PTPRN2: variants seen among roughly 807,000 people sequenced by gnomAD.
The protein encoded by PTPRN2 is receptor-type tyrosine-protein phosphatase N2.
A neutral mutation model predicts 118.8 loss-of-function variants in PTPRN2; 74 were observed. The observed-to-expected ratio is 0.62, with a 90% CI of 0.52 to 0.76. PTPRN2 has a LOEUF of 0.76. Ranked by LOEUF, PTPRN2 falls within the 30% of genes least tolerant of loss-of-function variation. PTPRN2 has a pLI of 0.00. For synonymous variants in PTPRN2, 641 were observed against 608.0 expected (o/e 1.05, Z -0.80); for missense variants, 1,481 against 1,394.4 (o/e 1.06, Z -0.99).
At chr7:157,697,513 C>T (rs1797852141) in intron 12 of PTPRN2, among the ~76,000 whole-genome samples, 1 of 132,936 alleles carries the variant, frequency 7.5e-6, no homozygotes, top group Non-Finnish European at 1.6e-5. Context: ...AGAGCCCTCA[C>T]CATCTACCCA....
intron 3 of PTPRN2, among the ~76,000 whole-genome samples, chr7:158,276,094 G>C (rs980867157): frequency 1.3e-5 from 2 of 152,104 alleles, no homozygotes; most frequent in African/African-American, 4.8e-5. Flanking sequence ...GCCTCCAGGG[G>C]TGCGTCTCCT....
chr7:158,463,590 G>A (rs117040928), intron 2 of PTPRN2, among the ~76,000 whole-genome samples: 1,888 of 151,092 alleles, frequency 0.012, 27 homozygotes, highest in South Asian at 0.051. Flanking sequence ...CAATATCACC[G>A]TCACCATCAT....
chr7:157,826,029 T>C (rs1320958377), intron 12 of PTPRN2, among the ~76,000 whole-genome samples: 1 of 152,094 alleles, frequency 6.6e-6, no homozygotes, highest in Non-Finnish European at 1.5e-5. Flanking sequence ...GGTCAGGCAA[T>C]CCCCTCTGCT....
intron 12 of PTPRN2, among the ~76,000 whole-genome samples, chr7:157,728,528 A>C (rs551524503): frequency 2.6e-5 from 4 of 152,114 alleles, no homozygotes; most frequent in African/African-American, 9.7e-5. Flanking sequence ...GGATAACTCA[A>C]ATTGGATTTT....
chr7:157,621,446 C>T lies in PTPRN2; in HGVS notation c.2260G>A (p.Ala754Thr), dbSNP rs201138259. ...GAGCTGTTGGGCTCCGCCTGGTAGG[C>T]GCACAGCGCTTCCCACTCCTTCTCC... ...RLEKEWEALC[A>T]YQAEPNSSFV... Residue 754 changes from alanine to threonine, a missense_variant, in exon 15 of 23, where the codon GCC becomes ACC. Physicochemically the swap from Ala to Thr is moderately conservative, Grantham distance 58. This residue lies in a region of PTPRN2 where 362 missense variants were observed against 384.1 expected (regional missense o/e 0.94). Transcript: ENST00000389418. The T allele has an allele frequency of 9.1e-5, 147 of 1,613,896 alleles. No homozygotes were observed. The highest frequency in any genetic ancestry group is 1.1e-4 in the African/African-American group (8 of 74,948).
chr7:157,829,267 G>A (rs1807390594), intron 12 of PTPRN2, among the ~76,000 whole-genome samples: 1 of 152,240 alleles, frequency 6.6e-6, no homozygotes, highest in South Asian at 2.1e-4. Context: ...CCGTCTTGCT[G>A]CGAGTGTTGG....
intron 4 of PTPRN2, among the ~76,000 whole-genome samples, chr7:158,193,673 T>G (rs1825961843): frequency 6.6e-6 from 1 of 152,070 alleles, no homozygotes; most frequent in Non-Finnish European, 1.5e-5. Context: ...TGGCCCTCCC[T>G]GCCCAGCTCA....
chr7:157,658,391 C>A (rs977892440), intron 13 of PTPRN2, among the ~76,000 whole-genome samples: 1 of 152,222 alleles, frequency 6.6e-6, no homozygotes, highest in Non-Finnish European at 1.5e-5. Context: ...GCTGAGTAGA[C>A]ACCAAAGCAG....
chr7:158,461,363 G>T (rs1381621713), intron 2 of PTPRN2, among the ~76,000 whole-genome samples: 4 of 152,084 alleles, frequency 2.6e-5, no homozygotes, highest in African/African-American at 9.7e-5. Context: ...GGGCGTGGTG[G>T]CAGGCGCCTG....
At chr7:158,337,090 C>A (rs1295548962) in intron 2 of PTPRN2, among the ~76,000 whole-genome samples, 1 of 151,574 alleles carries the variant, frequency 6.6e-6, no homozygotes, top group South Asian at 2.1e-4. Flanking sequence ...ACGTCACTCA[C>A]ACCCACACTC....
intron 1 of PTPRN2, among the ~76,000 whole-genome samples, chr7:158,569,873 G>A (rs1386366184): frequency 2.0e-5 from 3 of 150,708 alleles, no homozygotes; most frequent in Non-Finnish European, 4.4e-5. Context: ...GGAACGCGGG[G>A]CGCGAGGCCG....
At chr7:158,192,645 G>C (rs772267287) in intron 4 of PTPRN2, 150 bp from the exon 5 acceptor site, 25 of 892,614 alleles carry the variant, frequency 2.8e-5, no homozygotes, top group Non-Finnish European at 3.9e-5. Context: ...CCATGGGTTT[G>C]AACTTCTCCC....
At chr7:158,203,877 T>C (rs1354945555) in intron 4 of PTPRN2, among the ~76,000 whole-genome samples, 1 of 152,246 alleles carries the variant, frequency 6.6e-6, no homozygotes, top group Admixed American at 6.5e-5. Context: ...GCACATTCTC[T>C]TTGATAAAGG....
chr7:157,884,739 T>C (rs748434333), intron 12 of PTPRN2, among the ~76,000 whole-genome samples: 27 of 152,314 alleles, frequency 1.8e-4, no homozygotes, highest in Non-Finnish European at 3.2e-4. Context: ...TGAGACTCAT[T>C]GACTGTCACG....
Position 157,953,640 on chromosome 7 carries a change from A to C in PTPRN2, c.1724-54903T>G, listed in dbSNP as rs148928885. Among the ~76,000 whole-genome samples the C allele has an allele frequency of 2.6e-5, 4 of 152,080 alleles. No individual in the cohort carries two copies. The East Asian group carries it at 7.7e-4, about 29-fold the overall frequency. ...TGCTTGGACACTCTCTGGACAGGAG[A>C]CACCTCACCCCTCACAGACATCTCA... On this transcript the variant is annotated intron_variant, in intron 11 of 22. Coordinates refer to ENST00000389418, the MANE Select transcript of PTPRN2 (RefSeq NM_002847.5). The surrounding 1 kb of genome is among the most constrained non-coding windows in gnomAD (Gnocchi z 4.6).
At chr7:157,959,738 T>C (rs558536755) in intron 11 of PTPRN2, among the ~76,000 whole-genome samples, 1 of 152,166 alleles carries the variant, frequency 6.6e-6, no homozygotes, top group Non-Finnish European at 1.5e-5. Flanking sequence ...CTAGTGGGAA[T>C]GTAAAATGGT....
At chr7:157,751,785 A>C (rs748009433) in intron 12 of PTPRN2, among the ~76,000 whole-genome samples, 7 of 139,372 alleles carry the variant, frequency 5.0e-5, no homozygotes, top group Non-Finnish European at 9.3e-5. Context: ...ACCAAGACCG[A>C]GGGGACCATT....
chr7:158,405,199 C>T (rs1310750480), intron 2 of PTPRN2, among the ~76,000 whole-genome samples: 1 of 152,160 alleles, frequency 6.6e-6, no homozygotes, highest in East Asian at 1.9e-4. Context: ...CTGGAGTCCA[C>T]ATCCTCCCGG....
intron 2 of PTPRN2, among the ~76,000 whole-genome samples, chr7:158,333,558 T>C (rs1478169188): frequency 6.7e-6 from 1 of 150,012 alleles, no homozygotes; most frequent in African/African-American, 2.5e-5. Context: ...ACACCCACAC[T>C]CTCACCATAA....
Sources: allele counts gnomAD v4.1 joint callset (sites outside exome capture counted in the v4.1 genomes callset), GRCh38; gene constraint gnomAD v4.1.1; regional missense constraint gnomAD v4.1.1; non-coding constraint Gnocchi (gnomAD v3.1); transcripts MANE v1.5; gene names NCBI Gene and HGNC (gene_info 2026-07-23, HGNC 2026-07-21).